The following PRUNE2 variants were observed in gnomAD, a reference collection of about 807,000 sequenced individuals.
The protein encoded by PRUNE2 is prune homolog 2 with BCH domain.
A neutral mutation model predicts 252.0 loss-of-function variants in PRUNE2; 164 were observed. The ratio of observed to expected loss-of-function variants is 0.65; its 90% CI spans 0.57 to 0.74. The LOEUF is 0.74. Ranked by LOEUF, PRUNE2 falls within the 30% of genes least tolerant of loss-of-function variation. The pLI is 0.00. For missense variants in PRUNE2, 3,495 were observed against 3,711.0 expected (o/e 0.94, Z 1.51); for synonymous variants, 1,292 against 1,350.2 (o/e 0.96, Z 0.94).
At position 76,852,848 on chromosome 9, in the gene PRUNE2, C is replaced by G. The variant is rs911079571; in HGVS notation, c.141+1256G>C. On this transcript the variant is annotated intron_variant, in intron 2 of 18. Coordinates refer to ENST00000376718, the MANE Select transcript of PRUNE2 (RefSeq NM_015225.3). Reference sequence around the variant, plus strand: ...TCTATCTATCTATCTATCTATCTATCCATGTGTTTTATCTATCACAATTAC... The same window carrying G: ...TCTATCTATCTATCTATCTATCTATGCATGTGTTTTATCTATCACAATTAC... Among the ~76,000 whole-genome samples, 3 of 150,428 alleles carry G rather than the reference C, an allele frequency of 2.0e-5. No individual in the cohort carries two copies. In the East Asian group the frequency reaches 5.8e-4, roughly 29 times the overall value.
intron 6 of PRUNE2, among the ~76,000 whole-genome samples, chr9:76,771,857 A>G (rs770719467): frequency 6.6e-5 from 10 of 152,162 alleles, no homozygotes; most frequent in Non-Finnish European, 1.3e-4. Context: ...TTTGCAGACC[A>G]CACCCTAAGT....
At chr9:76,902,606 C>A (rs1288379564) in intron 1 of PRUNE2, among the ~76,000 whole-genome samples, 1 of 152,194 alleles carries the variant, frequency 6.6e-6, no homozygotes, top group Non-Finnish European at 1.5e-5. Flanking sequence ...CTTTAACAAT[C>A]CTCGTGTCAA....
chr9:76,703,912 T>C lies in PRUNE2; in HGVS notation c.7701A>G (p.Glu2567=). The C allele has an allele frequency of 6.2e-7, 1 of 1,613,772 alleles. No individual in the cohort carries two copies. Among genetic ancestry groups the C allele is most frequent in the Non-Finnish European group, 8.5e-7 (1 of 1,179,870 alleles). The change falls in exon 9 of 19, where the codon GAA becomes GAG. Residue 2567 remains glutamate (E), a synonymous_variant. Transcript: ENST00000376718. ...ENSHSKPETC[E]ERESIAELEL... Reference sequence around the variant, plus strand: ...CTAATTCAGCTATGCTTTCTCTTTCTTCACAGGTCTCTGGCTTTGAGTGTG... The same window carrying C: ...CTAATTCAGCTATGCTTTCTCTTTCCTCACAGGTCTCTGGCTTTGAGTGTG...
intron 9 of PRUNE2, among the ~76,000 whole-genome samples, chr9:76,699,957 G>A (rs149220255): frequency 2.6e-4 from 39 of 152,294 alleles, no homozygotes; most frequent in African/African-American, 8.7e-4. Context: ...TTGGGGAACT[G>A]GTATTTGATC....
chr9:76,721,510 G>T (rs937037192), intron 6 of PRUNE2, among the ~76,000 whole-genome samples: 15 of 152,092 alleles, frequency 9.9e-5, no homozygotes, highest in Admixed American at 9.8e-4. Context: ...TTATTTCTGG[G>T]TTTTTTTGTT....
Position 76,637,457 on chromosome 9 carries a change from A to C in PRUNE2, c.8924T>G (p.Leu2975Arg). Residue 2975 changes from leucine (L) to arginine (R), a missense_variant, in exon 14 of 19, where the codon CTA becomes CGA. Transcript: ENST00000376718. ...GATPRRRMPG[L>R]GWMKKCYQMI... ...CTGGTAGCATTTCTTCATCCAGCCTAGCCCTGGCATCCTCCTTCTTGGGGT... is the reference window on the plus strand; with the variant it reads ...CTGGTAGCATTTCTTCATCCAGCCTCGCCCTGGCATCCTCCTTCTTGGGGT... The C allele has an allele frequency of 1.9e-6, 3 of 1,613,754 alleles. No individual in the cohort carries two copies. Among genetic ancestry groups the C allele is most frequent in the Non-Finnish European group, 2.5e-6 (3 of 1,179,804 alleles).
Position 76,644,869 on chromosome 9 carries a change from A to G in PRUNE2, c.8598T>C (p.Ser2866=), listed in dbSNP as rs200663574. ...ANKDSGQESE[S]IPEYTAEEER... ...CCTCTTCGGCCGTATATTCTGGAAT[A>G]GACTCTGACTCTTGGCCAGAATCTT... Residue 2866 remains serine (S), a synonymous_variant, in exon 12 of 19, where the codon TCT becomes TCC. Coordinates refer to ENST00000376718, the MANE Select transcript of PRUNE2 (RefSeq NM_015225.3). 384 of 1,613,878 alleles carry G rather than the reference A, an allele frequency of 2.4e-4. 2 individuals are homozygous for G. The highest frequency in any genetic ancestry group is 1.2e-3 in the South Asian group (110 of 91,070).
intron 4 of PRUNE2, among the ~76,000 whole-genome samples, chr9:76,831,665 C>G (rs1256595014): frequency 6.6e-6 from 1 of 151,602 alleles, no homozygotes; most frequent in Admixed American, 6.6e-5. Context: ...AAAAGAATAT[C>G]AAAAACACTT....
intron 4 of PRUNE2, among the ~76,000 whole-genome samples, chr9:76,844,937 G>A (rs2059588276): frequency 6.7e-6 from 1 of 148,452 alleles, no homozygotes; most frequent in Admixed American, 6.8e-5. Context: ...ACTGAAGCCG[G>A]TGGATGGCTT....
chr9:76,747,715 G>T (rs1333370061), intron 6 of PRUNE2, among the ~76,000 whole-genome samples: 1 of 152,048 alleles, frequency 6.6e-6, no homozygotes, highest in Non-Finnish European at 1.5e-5. Flanking sequence ...GCTTAAGGAT[G>T]ACAACAAATC....
chr9:76,872,021 T>C (rs892136298), intron 1 of PRUNE2, among the ~76,000 whole-genome samples: 1 of 152,134 alleles, frequency 6.6e-6, no homozygotes, highest in Admixed American at 6.5e-5. Context: ...CACAAACACC[T>C]GCATACATAG....
intron 10 of PRUNE2, among the ~76,000 whole-genome samples, chr9:76,653,049 T>C (rs546635513): frequency 2.0e-5 from 3 of 152,258 alleles, no homozygotes; most frequent in African/African-American, 4.8e-5. Flanking sequence ...GTATGAGATA[T>C]AGACACCCTT....
chr9:76,650,730 T>G (rs1847055916), intron 11 of PRUNE2, among the ~76,000 whole-genome samples: 1 of 152,222 alleles, frequency 6.6e-6, no homozygotes, highest in Admixed American at 6.5e-5. Context: ...AAACTGGTTC[T>G]TTCAACACAG....
intron 3 of PRUNE2, 22 bp from the exon 4 acceptor site, chr9:76,846,700 G>A (rs1210910770): frequency 1.4e-5 from 22 of 1,599,236 alleles, no homozygotes; most frequent in Non-Finnish European, 1.8e-5. Context: ...ATGGAGGGGA[G>A]GAAGAGAAAG....
At position 76,888,496 on chromosome 9, in the gene PRUNE2, G is replaced by A. The variant is rs375484517; in HGVS notation, c.36+17432C>T. Among the ~76,000 whole-genome samples, 42 of 152,044 alleles carry A rather than the reference G, an allele frequency of 2.8e-4. 3 individuals are homozygous for A. The South Asian group carries it at 4.8e-3, about 17-fold the overall frequency. ...GGAGTCTGAGGCAGGAGAATTGCTT[G>A]AACCCGAGAGGTGGAGGTTGCAGTG... On this transcript the variant is annotated intron_variant, in intron 1 of 18. Coordinates refer to ENST00000376718, the MANE Select transcript of PRUNE2 (RefSeq NM_015225.3).
chr9:76,820,454 T>C (rs1421474360), intron 6 of PRUNE2, among the ~76,000 whole-genome samples: 4 of 152,220 alleles, frequency 2.6e-5, no homozygotes, highest in African/African-American at 9.6e-5. Flanking sequence ...CTGAAGAGCA[T>C]GCTGTGTAAG....
At chr9:76,644,436 G>A in intron 12 of PRUNE2, 1 of 416,268 alleles carries the variant, frequency 2.4e-6, no homozygotes, top group Non-Finnish European at 4.6e-6. Flanking sequence ...TGATAAGAAT[G>A]CCAAACAGAC....
chr9:76,658,525 T>C (rs11144997), intron 9 of PRUNE2, among the ~76,000 whole-genome samples: 28,777 of 152,176 alleles, frequency 0.19, 2,775 homozygotes, highest in East Asian at 0.26. Context: ...TTTGCAGAAA[T>C]GAAGTGGCCA....
In PRUNE2 at chr9:76,828,782, A is replaced by G. The variant is rs1045828957; in HGVS notation, c.509-2050T>C. On this transcript the variant is annotated intron_variant, in intron 4 of 18. Transcript: ENST00000376718. ...TGTAATCCCAGCACTTTGGGAGGCC[A>G]AGGCTGGTGGATCACCTGAGGTCAG... Among the ~76,000 whole-genome samples the G allele has an allele frequency of 9.2e-5, 14 of 152,210 alleles. 1 individual carries two copies. The highest frequency in any genetic ancestry group is 2.4e-5 in the African/African-American group (1 of 41,532).
Sources: gnomAD v4.1 joint callset for allele counts (sites outside exome capture counted in the v4.1 genomes callset) on GRCh38, gnomAD v4.1.1 for gene constraint, MANE v1.5 for transcripts, NCBI Gene and HGNC (gene_info 2026-07-23, HGNC 2026-07-21) for gene names.